CADPS2: variants seen among roughly 807,000 people sequenced by gnomAD.
CADPS2 encodes calcium-dependent secretion activator 2.
CADPS2 carries 93 observed loss-of-function variants against 172.5 expected under a neutral mutation model. That is an observed-to-expected ratio of 0.54 (90% CI 0.46 to 0.64). The LOEUF (loss-of-function observed/expected upper bound fraction) is 0.64. CADPS2 is among the 30% of genes least tolerant of loss of function. The pLI is 0.00. For missense variants in CADPS2, 1,420 were observed against 1,565.9 expected (o/e 0.91, Z 1.57); for synonymous variants, 546 against 555.2 (o/e 0.98, Z 0.23).
intron 24 of CADPS2, among the ~76,000 whole-genome samples, chr7:122,381,146 C>G (rs1475061952): frequency 6.6e-6 from 1 of 152,082 alleles, no homozygotes; most frequent in African/African-American, 2.4e-5. Context: ...AAAAAGGCCC[C>G]CCAGCTCCTG....
At chr7:122,541,797 T>TCA (rs1554609321) in intron 8 of CADPS2, among the ~76,000 whole-genome samples, 200 of 113,210 alleles carry the variant, frequency 1.8e-3, no homozygotes, top group Middle Eastern at 5.0e-3. Context: ...ATTTATATAT[T>TCA]CATATATATT....
intron 3 of CADPS2, among the ~76,000 whole-genome samples, chr7:122,634,940 T>C (rs2076921418): frequency 6.6e-6 from 1 of 152,202 alleles, no homozygotes; most frequent in Non-Finnish European, 1.5e-5. Context: ...AATTGTTTAA[T>C]TTCCATGTTT....
chr7:122,349,442 T>C (rs2038197595), intron 27 of CADPS2, among the ~76,000 whole-genome samples: 1 of 152,202 alleles, frequency 6.6e-6, no homozygotes, highest in Non-Finnish European at 1.5e-5. Context: ...TTCCATCTTG[T>C]TTATTAAGAT....
At chr7:122,418,025 C>T (rs2048127102) in intron 17 of CADPS2, among the ~76,000 whole-genome samples, 1 of 152,022 alleles carries the variant, frequency 6.6e-6, no homozygotes, top group Admixed American at 6.6e-5. Context: ...CAAAAATTAG[C>T]TGGGCCCGGT....
At chr7:122,479,597 A>G (rs1310474744) in intron 12 of CADPS2, among the ~76,000 whole-genome samples, 1 of 152,228 alleles carries the variant, frequency 6.6e-6, no homozygotes, top group Non-Finnish European at 1.5e-5. Flanking sequence ...AAAACCTGAT[A>G]TATGAATTAA....
At position 122,747,390 on chromosome 7, in the gene CADPS2, C is replaced by T. The variant is rs78111510; in HGVS notation, c.340-10322G>A. Among the ~76,000 whole-genome samples, 171 of 152,208 alleles carry T rather than the reference C, an allele frequency of 1.1e-3. 1 individual carries two copies. The East Asian group carries it at 0.023, about 20-fold the overall frequency. ...TAAGCCAGAGAAAATTTCTACCCAA[C>T]GCTTTTCTACAAATAATTCCAGTGG... On this transcript the variant is annotated intron_variant, in intron 1 of 29. Coordinates refer to ENST00000449022, the MANE Select transcript of CADPS2 (RefSeq NM_017954.11).
chr7:122,726,259 A>T (rs2091072455), intron 2 of CADPS2, among the ~76,000 whole-genome samples: 1 of 152,074 alleles, frequency 6.6e-6, no homozygotes, highest in Non-Finnish European at 1.5e-5. Flanking sequence ...TTATCCTCCC[A>T]ATAAGTACTT....
At chr7:122,599,146 G>A (rs2072359450) in intron 6 of CADPS2, among the ~76,000 whole-genome samples, 1 of 152,106 alleles carries the variant, frequency 6.6e-6, no homozygotes, top group Admixed American at 6.6e-5. Context: ...ATTTTTTAAT[G>A]TGTGGACACA....
chr7:122,444,915 TTTGAG>T (rs1245855923), intron 15 of CADPS2, among the ~76,000 whole-genome samples: 1 of 152,170 alleles, frequency 6.6e-6, no homozygotes, highest in Non-Finnish European at 1.5e-5. Context: ...GTCTACCTAT[TTTGAG>T]TTAACTTTTG....
chr7:122,632,292 T>C (rs995646992), intron 3 of CADPS2, among the ~76,000 whole-genome samples: 6 of 152,210 alleles, frequency 3.9e-5, no homozygotes. Context: ...CTACTTTCTA[T>C]AGTGGCTAAA....
chr7:122,339,723 C>T (rs2036482383), intron 28 of CADPS2, among the ~76,000 whole-genome samples: 1 of 152,108 alleles, frequency 6.6e-6, no homozygotes, highest in African/African-American at 2.4e-5. Context: ...CCTGTTTCTA[C>T]TAAAAATACA....
At chr7:122,620,640 C>T (rs1214848786) in intron 5 of CADPS2, among the ~76,000 whole-genome samples, 2 of 152,102 alleles carry the variant, frequency 1.3e-5, no homozygotes, top group Non-Finnish European at 2.9e-5. Context: ...TTTCTTCTTG[C>T]TCTAATATGT....
chr7:122,698,844 C>A, intron 2 of CADPS2: 4 of 1,613,326 alleles, frequency 2.5e-6, no homozygotes, highest in Non-Finnish European at 3.4e-6. Flanking sequence ...GACTAACAAG[C>A]CAAAGAACAC....
At chr7:122,683,223 A>G (rs550145561) in intron 2 of CADPS2, among the ~76,000 whole-genome samples, 1 of 152,202 alleles carries the variant, frequency 6.6e-6, no homozygotes, top group Admixed American at 6.5e-5. Flanking sequence ...AGCCACATCT[A>G]TCTGTAGTTT....
intron 8 of CADPS2, among the ~76,000 whole-genome samples, chr7:122,541,388 C>T (rs1170835588): frequency 7.3e-6 from 1 of 136,504 alleles, no homozygotes; most frequent in Admixed American, 7.4e-5. Context: ...GTATTTTTAG[C>T]AGAGATGGGG....
chr7:122,857,952 T>C (rs1462381318), intron 1 of CADPS2, among the ~76,000 whole-genome samples: 3 of 152,090 alleles, frequency 2.0e-5, no homozygotes, highest in African/African-American at 7.2e-5. Flanking sequence ...TTACAGCTCT[T>C]AAAGGTGGTG....
At chr7:122,688,978 T>C (rs925835517) in intron 2 of CADPS2, among the ~76,000 whole-genome samples, 8 of 152,274 alleles carry the variant, frequency 5.3e-5, no homozygotes, top group African/African-American at 1.2e-4. Context: ...GTTTGATATA[T>C]AGGCTTGGCA....
chr7:122,714,681 T>C (rs1433514227), intron 2 of CADPS2, among the ~76,000 whole-genome samples: 1 of 152,252 alleles, frequency 6.6e-6, no homozygotes, highest in South Asian at 2.1e-4. Context: ...TTGCCACTCA[T>C]AGGAATAAGT....
intron 24 of CADPS2, chr7:122,386,316 C>T (rs1303245457): frequency 2.1e-6 from 3 of 1,430,308 alleles, no homozygotes; most frequent in Non-Finnish European, 2.8e-6. Context: ...CAAACTGGAT[C>T]ATGCCATGGG....
Sources: gnomAD v4.1 joint callset for allele counts (sites outside exome capture counted in the v4.1 genomes callset) on GRCh38, gnomAD v4.1.1 for gene constraint, MANE v1.5 for transcripts, NCBI Gene and HGNC (gene_info 2026-07-23, HGNC 2026-07-21) for gene names.